GSN: variants seen among roughly 807,000 people sequenced by gnomAD.
The protein encoded by GSN is gelsolin.
A neutral mutation model predicts 85.7 loss-of-function variants in GSN; 56 were observed. The ratio of observed to expected loss-of-function variants is 0.65; its 90% CI spans 0.53 to 0.82. GSN has a LOEUF of 0.82. Among genes scored for constraint, GSN ranks in the 40% least tolerant of loss-of-function variants. The pLI is 0.00. For missense variants in GSN, 857 were observed against 979.8 expected (o/e 0.87, Z 1.67); for synonymous variants, 373 against 399.1 (o/e 0.93, Z 0.78).
rs757360429 is a variant in GSN at position 121,326,624 on chromosome 9, C to A, written c.1529C>A (p.Ala510Asp). The A allele has an allele frequency of 8.1e-6, 13 of 1,602,946 alleles. No homozygotes were observed. In the South Asian group the frequency reaches 1.1e-4, roughly 14 times the overall value. Residue 510 changes from alanine (A) to aspartate (D), a missense_variant, in exon 13 of 18, where the codon GCC becomes GAC. Transcript: ENST00000432226. ...CGCGAGGGCGGGCAGACAGCCCCTG[C>A]CAGCACCCGCCTCTTCCAGGTCCGC... is the stretch of plus-strand genomic sequence containing the variant. ...TSREGGQTAPASTRLFQVRAN... is the reference protein window; with the variant it reads ...TSREGGQTAPDSTRLFQVRAN...
chr9:121,255,138 C>G (rs940205876), intron 6 of GSN, among the ~76,000 whole-genome samples: 1 of 152,138 alleles, frequency 6.6e-6, no homozygotes, highest in African/African-American at 2.4e-5. Flanking sequence ...TTAGTAGAGA[C>G]AGGGTTTCAC....
chr9:121,247,531 C>T (rs1056317046), intron 5 of GSN, among the ~76,000 whole-genome samples: 7 of 152,186 alleles, frequency 4.6e-5, no homozygotes, highest in Non-Finnish European at 8.8e-5. Context: ...TCCATTGCAA[C>T]GTCAGTCTGG....
intron 4 of GSN, 75 bp from the exon 5 acceptor site, chr9:121,310,609 A>C: frequency 6.8e-7 from 1 of 1,460,070 alleles, no homozygotes; most frequent in Non-Finnish European, 9.5e-7. Context: ...CTTTACCTCA[A>C]TTCTGTCCCC....
chr9:121,314,069 G>A, intron 7 of GSN, 46 bp downstream of exon 7: 1 of 1,436,468 alleles, frequency 7.0e-7, no homozygotes, highest in Non-Finnish European at 9.8e-7. Flanking sequence ...GTCAGGACAG[G>A]GAGGTGGAAG....
intron 2 of GSN, among the ~76,000 whole-genome samples, chr9:121,301,040 C>T (rs1236473007): frequency 1.3e-5 from 2 of 152,236 alleles, no homozygotes; most frequent in Non-Finnish European, 2.9e-5. Context: ...GACCTTCGGT[C>T]AGTCCCCTCC....
At chr9:121,203,418 T>A (rs1301888619), upstream of GSN, 1 of 152,406 alleles carries the variant, frequency 6.6e-6, no homozygotes, top group African/African-American at 2.4e-5. Flanking sequence ...CTGGGCAACA[T>A]GGGGAGACCC....
chr9:121,270,490 G>A (rs2055779625), intron 1 of GSN, among the ~76,000 whole-genome samples: 2 of 152,230 alleles, frequency 1.3e-5, no homozygotes, highest in Non-Finnish European at 2.9e-5. Context: ...GATTCTGGAA[G>A]CCCAGCTGAA....
intron 4 of GSN, among the ~76,000 whole-genome samples, chr9:121,214,885 A>G (rs1251515840): frequency 1.3e-5 from 2 of 152,182 alleles, no homozygotes; most frequent in African/African-American, 4.8e-5. Flanking sequence ...AGGTCGGAAT[A>G]TAGGCTCCTT....
chr9:121,236,315 G>A (rs2054491608), intron 5 of GSN, among the ~76,000 whole-genome samples: 1 of 152,116 alleles, frequency 6.6e-6, no homozygotes, highest in African/African-American at 2.4e-5. Flanking sequence ...CACCTTCTGG[G>A]TTCAAGCAAT....
At chr9:121,266,659 G>A (rs1449354497), upstream of GSN, among the ~76,000 whole-genome samples, 2 of 152,222 alleles carry the variant, frequency 1.3e-5, no homozygotes, top group African/African-American at 2.4e-5. Context: ...AGTATCAGTA[G>A]TGTGACCTCC....
intron 4 of GSN, among the ~76,000 whole-genome samples, chr9:121,214,063 A>G (rs2054013830): frequency 6.6e-6 from 1 of 152,208 alleles, no homozygotes; most frequent in African/African-American, 2.4e-5. Context: ...TGGGGATCAT[A>G]AAAGCACCTA....
chr9:121,326,633 G>T lies in GSN; in HGVS notation c.1538G>T (p.Arg513Leu). Residue 513 changes from arginine to leucine, a missense_variant, in exon 13 of 18, where the codon CGC (arginine) becomes CTC (leucine). By Grantham distance (102) the Arg-to-Leu change is moderately radical. Transcript: ENST00000432226. ...GGGCAGACAGCCCCTGCCAGCACCC[G>T]CCTCTTCCAGGTCCGCGCCAACAGC... ...EGGQTAPAST[R>L]LFQVRANSAG... The T allele has an allele frequency of 1.2e-6, 2 of 1,607,480 alleles. No individual in the cohort carries two copies.
upstream of GSN, among the ~76,000 whole-genome samples, chr9:121,206,830 A>C (rs905073027): frequency 9.9e-5 from 15 of 151,874 alleles, no homozygotes; most frequent in African/African-American, 2.9e-4. Context: ...GCTCACTGCA[A>C]CCTCCACCTC....
At position 121,329,709 on chromosome 9, in the gene GSN, C is replaced by T; in HGVS notation, c.1965+394C>T. Among the ~76,000 whole-genome samples, 1 of 152,172 alleles carries T rather than the reference C, an allele frequency of 6.6e-6. No homozygotes were observed. Among genetic ancestry groups the T allele is most frequent in the Middle Eastern group, 3.2e-3 (1 of 316 alleles). ...TGTCACCTAGAGGCTCTAGAGGGCT[C>T]CTGCTTCTGGTTTGAGGGCTCTGGG... On this transcript the variant is annotated intron_variant, in intron 16 of 17. Coordinates refer to ENST00000432226, the MANE Select transcript of GSN (RefSeq NM_198252.3). The surrounding 1 kb of genome is among the most constrained non-coding windows in gnomAD (Gnocchi z 4.6).
chr9:121,283,293 T>C (rs1399569653), intron 2 of GSN: 1 of 156,948 alleles, frequency 6.4e-6, no homozygotes, highest in Non-Finnish European at 1.5e-5. Context: ...CTTTCTTTCT[T>C]TCTTTTTCTT....
At chr9:121,224,192 G>A (rs1204879249) in intron 4 of GSN, among the ~76,000 whole-genome samples, 1 of 151,850 alleles carries the variant, frequency 6.6e-6, no homozygotes, top group African/African-American at 2.4e-5. Flanking sequence ...CGCCTCCCAT[G>A]TTCACGCCAT....
rs576780776 is a variant in GSN, at chr9:121,290,590, C to T, written c.-10+9028C>T. Among the ~76,000 whole-genome samples, 14 of 152,070 alleles carry T rather than the reference C, an allele frequency of 9.2e-5. No individual in the cohort carries two copies. In the East Asian group the frequency reaches 1.2e-3, roughly 13 times the overall value. ...TTGTATATACTTAAGGTATATAACGCGATGTTATGAATACATTTAGATAGT... is the reference window on the plus strand; with the variant it reads ...TTGTATATACTTAAGGTATATAACGTGATGTTATGAATACATTTAGATAGT... On this transcript the variant is annotated intron_variant, in intron 2 of 17. Coordinates refer to ENST00000432226, the MANE Select transcript of GSN (RefSeq NM_198252.3).
rs1363795804 is a variant in GSN at position 121,312,470 on chromosome 9, G to A, written c.645G>A (p.Glu215=). The stretch of plus-strand genomic sequence containing the variant: ...TGCACGTGTCTGAGGAGGGCACTGA[G>A]CCCGAGGCGATGCTCCAGGTGCCTG... The part of the protein sequence containing the change: ...ARVHVSEEGT[E]PEAMLQVLGP... Residue 215 remains glutamate (E), a synonymous_variant, in exon 6 of 18, where the codon GAG becomes GAA. Coordinates refer to ENST00000432226, the MANE Select transcript of GSN (RefSeq NM_198252.3). 4 of 1,612,700 alleles carry A rather than the reference G, an allele frequency of 2.5e-6. No individual in the cohort carries two copies. The highest frequency in any genetic ancestry group is 1.3e-5 in the African/African-American group (1 of 75,022).
chr9:121,331,377 C>G lies in GSN; in HGVS notation c.1966-11C>G. On this transcript the variant is annotated splice_polypyrimidine_tract_variant and intron_variant, in intron 16 of 17. Coordinates refer to ENST00000432226, the MANE Select transcript of GSN (RefSeq NM_198252.3). ...TCCTCATGTACCTTTCCTGTTGCATCTCACCTCCAGGTCTTTGTCTGGGTT... is the reference window on the plus strand; with the variant it reads ...TCCTCATGTACCTTTCCTGTTGCATGTCACCTCCAGGTCTTTGTCTGGGTT... The G allele has an allele frequency of 1.9e-6, 3 of 1,586,540 alleles. No individual in the cohort carries two copies. Among genetic ancestry groups the G allele is most frequent in the Non-Finnish European group, 2.6e-6 (3 of 1,156,772 alleles).
Sources: gnomAD v4.1 joint callset for allele counts (sites outside exome capture counted in the v4.1 genomes callset) on GRCh38, gnomAD v4.1.1 for gene constraint, Gnocchi (gnomAD v3.1) non-coding constraint, MANE v1.5 for transcripts, NCBI Gene and HGNC (gene_info 2026-07-23, HGNC 2026-07-21) for gene names.